B3GNT9: variants seen among roughly 807,000 people sequenced by gnomAD.
B3GNT9 encodes UDP-GlcNAc:betaGal beta-1,3-N-acetylglucosaminyltransferase 9.
For missense variants in B3GNT9, 669 were observed against 599.2 expected (o/e 1.12, Z -1.22); for synonymous variants, 359 against 283.9 (o/e 1.26, Z -2.66).
In B3GNT9 at chr16:67,150,162, G is replaced by A; in HGVS notation, c.324C>T (p.Gly108=). Residue 108 remains glycine (G), a synonymous_variant, in exon 2 of 2, where the codon GGC becomes GGT. Transcript: ENST00000449549. ...CCGGGCGGCCACCGGGTGCGCCGTC[G>A]CCGCGGCACTTGTGCGGCTGGTTAA... The part of the protein sequence containing the change: ...LLINQPHKCR[G]DGAPGGRPDL... 6.5e-7 allele frequency: 1 copy of A among 1,542,620 alleles called. No homozygotes were observed. Among genetic ancestry groups the A allele is most frequent in the South Asian group, 1.2e-5 (1 of 82,770 alleles).
At position 67,150,687 on chromosome 16, in the gene B3GNT9, G is replaced by A; in HGVS notation, c.-186-16C>T. 1 of 411,122 alleles carries A rather than the reference G, an allele frequency of 2.4e-6. No homozygotes were observed. Among genetic ancestry groups the A allele is most frequent in the Non-Finnish European group, 4.2e-6 (1 of 239,716 alleles). 25.5% of individuals were successfully genotyped at this position (411,122 alleles called of 1,614,324 possible). A position where few individuals can be genotyped will look rare whatever the true frequency, so the allele number is the denominator to read the frequency against. ...GACCGGCAGCCTGAAGGGACAAGAA[G>A]TTCACCCATGTAGCCAACTCCCCCG... On this transcript the variant is annotated splice_polypyrimidine_tract_variant and intron_variant, in intron 1 of 1. Coordinates refer to ENST00000449549, the MANE Select transcript of B3GNT9 (RefSeq NM_033309.3).
At position 67,150,660 on chromosome 16, in the gene B3GNT9, G is replaced by C. The variant is rs2030448170; in HGVS notation, c.-175C>G. ...CTCCTCCCGGCCGTGTCGCACCGCC[G>C]GGACCGGCAGCCTGAAGGGACAAGA... On this transcript the variant is annotated 5_prime_UTR_variant, in exon 2 of 2. Transcript: ENST00000449549. 2 of 467,008 alleles carry C rather than the reference G, an allele frequency of 4.3e-6. No individual in the cohort carries two copies. Among genetic ancestry groups the C allele is most frequent in the African/African-American group, 2.0e-5 (1 of 49,680 alleles). The allele number at this position is 467,008 out of a possible 1,614,324, so 28.9% of individuals were successfully genotyped here.
chr16:67,150,206 G>C lies in B3GNT9; in HGVS notation c.280C>G (p.Arg94Gly), dbSNP rs747411160. ...TGGTTAATGAGCAGTGGAAACCGCC[G>C]CTGGTCCTTGGCGCGCAAATAGCGG... Reference protein sequence around the residue: ...FARYLRAKDQRRFPLLINQPH... With the variant: ...FARYLRAKDQGRFPLLINQPH... Residue 94 changes from arginine (R) to glycine (G), a missense_variant, in exon 2 of 2, where the codon CGG becomes GGG. Arg to Gly is a moderately radical substitution (Grantham distance 125, BLOSUM62 -2). Coordinates refer to ENST00000449549, the MANE Select transcript of B3GNT9 (RefSeq NM_033309.3). The C allele has an allele frequency of 2.3e-5, 36 of 1,555,998 alleles. No homozygotes were observed. The highest frequency in any genetic ancestry group is 3.0e-5 in the Non-Finnish European group (35 of 1,153,826).
In B3GNT9 at chr16:67,149,214, A is replaced by G; in HGVS notation, c.*63T>C. ...ATCAGGGAAGAACCACATACACGGC[A>G]ATAATCTGGGAAACCGGCTCCATTC... On this transcript the variant is annotated 3_prime_UTR_variant, in exon 2 of 2. Coordinates refer to ENST00000449549, the MANE Select transcript of B3GNT9 (RefSeq NM_033309.3). The G allele has an allele frequency of 2.7e-6, 4 of 1,497,792 alleles. No individual in the cohort carries two copies. In the South Asian group the frequency reaches 4.2e-5, roughly 16 times the overall value. 92.8% of individuals were successfully genotyped at this position (1,497,792 alleles called of 1,614,324 possible). A position where few individuals can be genotyped will look rare whatever the true frequency, so the allele number is the denominator to read the frequency against.
In B3GNT9 at chr16:67,150,306, G is replaced by T. The variant is rs1597225736; in HGVS notation, c.180C>A (p.Asp60Glu). Residue 60 changes from aspartate (D) to glutamate (E), a missense_variant, in exon 2 of 2, where the codon GAC becomes GAA. Asp to Glu is a conservative substitution (Grantham distance 45). Transcript: ENST00000449549. ...CGTAGGCCGGCGGGGCTGCACCCGC[G>T]TCGGGTAACTGGAACGCGCGGGGTC... ...TPGPRAFQLPDAGAAPPAYEG... is the reference protein window; with the variant it reads ...TPGPRAFQLPEAGAAPPAYEG... 1 of 1,417,116 alleles carries T rather than the reference G, an allele frequency of 7.1e-7. No individual in the cohort carries two copies. The highest frequency in any genetic ancestry group is 2.9e-5 in the Admixed American group (1 of 34,340). 87.8% of individuals were successfully genotyped at this position (1,417,116 alleles called of 1,614,324 possible). A position where few individuals can be genotyped will look rare whatever the true frequency, so the allele number is the denominator to read the frequency against.
rs763929574 is a variant in B3GNT9 at position 67,149,449 on chromosome 16, G to A, written c.1037C>T (p.Ala346Val). The A allele has an allele frequency of 8.1e-6, 13 of 1,606,814 alleles. No homozygotes were observed. In the African/African-American group the frequency reaches 1.3e-4, roughly 17 times the overall value. ...FRTFGIPQPS[A>V]APHLSTFDPC... ...GTCGAAGGTGCTCAAATGCGGCGCGGCTGAAGGCTGGGGGATGCCAAAGGT... is the reference window on the plus strand; with the variant it reads ...GTCGAAGGTGCTCAAATGCGGCGCGACTGAAGGCTGGGGGATGCCAAAGGT... Residue 346 changes from alanine to valine, a missense_variant, in exon 2 of 2, where the codon GCC becomes GTC. Ala to Val is a moderately conservative substitution (Grantham distance 64). Coordinates refer to ENST00000449549, the MANE Select transcript of B3GNT9 (RefSeq NM_033309.3).
Position 67,148,715 on chromosome 16 carries a change from C to T in B3GNT9, c.*562G>A, listed in dbSNP as rs572824879. The T allele has an allele frequency of 1.5e-3, 230 of 152,444 alleles. 1 individual carries two copies. The highest frequency in any genetic ancestry group is 2.6e-3 in the Non-Finnish European group (180 of 68,172). 9.4% of individuals were successfully genotyped at this position (152,444 alleles called of 1,614,324 possible). A position where few individuals can be genotyped will look rare whatever the true frequency, so the allele number is the denominator to read the frequency against. On this transcript the variant is annotated 3_prime_UTR_variant, in exon 2 of 2. Coordinates refer to ENST00000449549, the MANE Select transcript of B3GNT9 (RefSeq NM_033309.3). Reference sequence around the variant, plus strand: ...GAGGTGAGGAAAGACTAGGTAGGACCGTGCACTCATTTGTCCCTTATGTGT... The same window carrying T: ...GAGGTGAGGAAAGACTAGGTAGGACTGTGCACTCATTTGTCCCTTATGTGT...
At position 67,150,306 on chromosome 16, in the gene B3GNT9, G is replaced by C; in HGVS notation, c.180C>G (p.Asp60Glu). The change falls in exon 2 of 2, where the codon GAC becomes GAG. Residue 60 changes from aspartate to glutamate, a missense_variant. Transcript: ENST00000449549. ...TPGPRAFQLP[D>E]AGAAPPAYEG... ...CGTAGGCCGGCGGGGCTGCACCCGC[G>C]TCGGGTAACTGGAACGCGCGGGGTC... 1.4e-6 allele frequency: 2 copies of C among 1,417,224 alleles called. No individual in the cohort carries two copies. Among genetic ancestry groups the C allele is most frequent in the Admixed American group, 2.9e-5 (1 of 34,360 alleles). The allele number at this position is 1,417,224 out of a possible 1,614,324, so 87.8% of individuals were successfully genotyped here. A position where few individuals can be genotyped will look rare whatever the true frequency, so the allele number is the denominator to read the frequency against.
Position 67,149,356 on chromosome 16 carries a change from C to T in B3GNT9, c.1130G>A (p.Arg377His). The change falls in exon 2 of 2, where the codon CGC becomes CAC. Residue 377 changes from arginine (R) to histidine (H), a missense_variant. By Grantham distance (29) the Arg-to-His change is conservative (BLOSUM62 0). Coordinates refer to ENST00000449549, the MANE Select transcript of B3GNT9 (RefSeq NM_033309.3). ...TGGCCCATGCGGCCCGTGCAGCAGG[C>T]GCCACATAAGCCAGATGTCAGCGGC... ...LSAADIWLMW[R>H]LLHGPHGPAC... The T allele has an allele frequency of 6.2e-7, 1 of 1,601,922 alleles. No individual in the cohort carries two copies.
rs2030364795 is a variant in B3GNT9 at position 67,149,498 on chromosome 16, G to T, written c.988C>A (p.Pro330Thr). ...GMCLQRLRLTPEPHPAFRTFG... is the reference protein window; with the variant it reads ...GMCLQRLRLTTEPHPAFRTFG... ...GTGCGGAAGGCAGGGTGAGGCTCGG[G>T]CGTGAGCCGCAGGCGCTGCAGACAC... The change falls in exon 2 of 2, where the codon CCC becomes ACC. Residue 330 changes from proline (P) to threonine (T), a missense_variant. Physicochemically the swap from Pro to Thr is conservative, Grantham distance 38. Transcript: ENST00000449549. 1 of 1,608,260 alleles carries T rather than the reference G, an allele frequency of 6.2e-7. No individual in the cohort carries two copies. Among genetic ancestry groups the T allele is most frequent in the East Asian group, 2.2e-5 (1 of 44,554 alleles).
Position 67,148,460 on chromosome 16 carries a change from G to C in B3GNT9, c.*817C>G, listed in dbSNP as rs1438512215. On this transcript the variant is annotated 3_prime_UTR_variant, in exon 2 of 2. Coordinates refer to ENST00000449549, the MANE Select transcript of B3GNT9 (RefSeq NM_033309.3). ...AATGGGGGAACCTTCCTTATCCCCT[G>C]CCCACATCCCCTCTCCAATAAAGCA... 2 of 152,500 alleles carry C rather than the reference G, an allele frequency of 1.3e-5. No homozygotes were observed. The highest frequency in any genetic ancestry group is 4.8e-5 in the African/African-American group (2 of 41,452). 9.4% of individuals were successfully genotyped at this position (152,500 alleles called of 1,614,324 possible). A position where few individuals can be genotyped will look rare whatever the true frequency, so the allele number is the denominator to read the frequency against.
chr16:67,149,362 A>T lies in B3GNT9; in HGVS notation c.1124T>A (p.Met375Lys), dbSNP rs2145902604. 6.2e-7 allele frequency: 1 copy of T among 1,603,390 alleles called. No homozygotes were observed. Among genetic ancestry groups the T allele is most frequent in the Non-Finnish European group, 8.5e-7 (1 of 1,175,266 alleles). Residue 375 changes from methionine (M) to lysine (K), a missense_variant, in exon 2 of 2, where the codon ATG becomes AAG. Transcript: ENST00000449549. The part of the protein sequence containing the change: ...HGLSAADIWL[M>K]WRLLHGPHGP... Reference sequence around the variant, plus strand: ...ATGCGGCCCGTGCAGCAGGCGCCACATAAGCCAGATGTCAGCGGCCGAGAG... The same window carrying T: ...ATGCGGCCCGTGCAGCAGGCGCCACTTAAGCCAGATGTCAGCGGCCGAGAG...
chr16:67,148,185 T>G lies in B3GNT9; in HGVS notation c.*1092A>C, dbSNP rs1038553229. 2 of 152,830 alleles carry G rather than the reference T, an allele frequency of 1.3e-5. No individual in the cohort carries two copies. The highest frequency in any genetic ancestry group is 4.8e-5 in the African/African-American group (2 of 41,596). The allele number at this position is 152,830 out of a possible 1,614,324, so 9.5% of individuals were successfully genotyped here. A position where few individuals can be genotyped will look rare whatever the true frequency, so the allele number is the denominator to read the frequency against. On this transcript the variant is annotated 3_prime_UTR_variant, in exon 2 of 2. Transcript: ENST00000449549. Reference sequence around the variant, plus strand: ...ATTTTGTGAGTTTTTCAAATGTGTGTACAGATTTTTGTAAATATGACTCTT... The same window carrying G: ...ATTTTGTGAGTTTTTCAAATGTGTGGACAGATTTTTGTAAATATGACTCTT...
Position 67,150,526 on chromosome 16 carries a change from A to G in B3GNT9, c.-41T>C. ...GCCCTCCCTCCCCTGTAAGGGTCGC[A>G]GTCGGCAGCAGGGGGCAGCGAGCCC... is the stretch of plus-strand genomic sequence containing the variant. On this transcript the variant is annotated 5_prime_UTR_variant, in exon 2 of 2. Transcript: ENST00000449549. 8.0e-7 allele frequency: 1 copy of G among 1,253,418 alleles called. No homozygotes were observed. Among genetic ancestry groups the G allele is most frequent in the Non-Finnish European group, 1.0e-6 (1 of 998,990 alleles). The allele number at this position is 1,253,418 out of a possible 1,614,324, so 77.6% of individuals were successfully genotyped here. A position where few individuals can be genotyped will look rare whatever the true frequency, so the allele number is the denominator to read the frequency against.
At position 67,149,688 on chromosome 16, in the gene B3GNT9, C is replaced by A; in HGVS notation, c.798G>T (p.Thr266=). 6 of 1,611,766 alleles carry A rather than the reference C, an allele frequency of 3.7e-6. No homozygotes were observed. Among genetic ancestry groups the A allele is most frequent in the Non-Finnish European group, 5.1e-6 (6 of 1,179,064 alleles). Residue 266 remains threonine, a synonymous_variant, in exon 2 of 2, where the codon ACG becomes ACT. Coordinates refer to ENST00000449549, the MANE Select transcript of B3GNT9 (RefSeq NM_033309.3). ...CGGGGATGTAGTACTTGCTAGCCCG[C>A]GTGCGGATGGGCCGCGCATGCACAA... ...DVIVHARPIR[T]RASKYYIPEA...
rs908649499 is a variant in B3GNT9, at chr16:67,148,335, T to C, written c.*942A>G. On this transcript the variant is annotated 3_prime_UTR_variant, in exon 2 of 2. Transcript: ENST00000449549. ...AGGTTTGTGTGGCGCTCCCGACTTTTGTGACTGACTGGTGTCTTCCCATTT... is the reference window on the plus strand; with the variant it reads ...AGGTTTGTGTGGCGCTCCCGACTTTCGTGACTGACTGGTGTCTTCCCATTT... 1 of 152,698 alleles carries C rather than the reference T, an allele frequency of 6.5e-6. No individual in the cohort carries two copies. The highest frequency in any genetic ancestry group is 2.4e-5 in the African/African-American group (1 of 41,456). 9.5% of individuals were successfully genotyped at this position (152,698 alleles called of 1,614,324 possible). A position where few individuals can be genotyped will look rare whatever the true frequency, so the allele number is the denominator to read the frequency against.
chr16:67,149,361 C>T lies in B3GNT9; in HGVS notation c.1125G>A (p.Met375Ile). The change falls in exon 2 of 2, where the codon ATG (methionine) becomes ATA (isoleucine). Residue 375 changes from methionine to isoleucine, a missense_variant. Transcript: ENST00000449549. Reference sequence around the variant, plus strand: ...CATGCGGCCCGTGCAGCAGGCGCCACATAAGCCAGATGTCAGCGGCCGAGA... The same window carrying T: ...CATGCGGCCCGTGCAGCAGGCGCCATATAAGCCAGATGTCAGCGGCCGAGA... ...HGLSAADIWL[M>I]WRLLHGPHGP... 1 of 1,603,332 alleles carries T rather than the reference C, an allele frequency of 6.2e-7. No homozygotes were observed. The highest frequency in any genetic ancestry group is 8.5e-7 in the Non-Finnish European group (1 of 1,175,314).
In B3GNT9 at chr16:67,149,789, A is replaced by G. The variant is rs1287091136; in HGVS notation, c.697T>C (p.Phe233Leu). Residue 233 changes from phenylalanine (F) to leucine (L), a missense_variant, in exon 2 of 2, where the codon TTC becomes CTC. Phe to Leu is a conservative substitution (Grantham distance 22). Transcript: ENST00000449549. Reference protein sequence around the residue: ...RFVFKGDADVFVNVGNLLEFL... With the variant: ...RFVFKGDADVLVNVGNLLEFL... ...TCCAGGAGATTTCCCACGTTCACGA[A>G]CACATCTGCGTCGCCCTTAAAAACG... The G allele has an allele frequency of 6.2e-7, 1 of 1,613,892 alleles. No individual in the cohort carries two copies. The highest frequency in any genetic ancestry group is 1.7e-5 in the Admixed American group (1 of 60,028).
chr16:67,150,087 T>C lies in B3GNT9; in HGVS notation c.399A>G (p.Gln133=). 2.1e-6 allele frequency: 3 copies of C among 1,459,864 alleles called. No individual in the cohort carries two copies. Among genetic ancestry groups the C allele is most frequent in the Non-Finnish European group, 2.7e-6 (3 of 1,107,776 alleles). The allele number at this position is 1,459,864 out of a possible 1,614,324, so 90.4% of individuals were successfully genotyped here. A position where few individuals can be genotyped will look rare whatever the true frequency, so the allele number is the denominator to read the frequency against. The change falls in exon 2 of 2, where the codon CAA becomes CAG. Residue 133 remains glutamine, a synonymous_variant. Transcript: ENST00000449549. The part of the protein sequence containing the change: ...KSVAEDFERR[Q]AVRQTWGAEG... The stretch of plus-strand genomic sequence containing the variant: ...CCGCGCCCCACGTCTGGCGCACGGC[T>C]TGGCGCCGCTCGAAGTCCTCTGCCA...
Sources: allele counts gnomAD v4.1 joint callset, GRCh38; gene constraint gnomAD v4.1.1; transcripts MANE v1.5; gene names NCBI Gene and HGNC (gene_info 2026-07-23, HGNC 2026-07-21).